ASCC3: variants seen among roughly 807,000 people sequenced by gnomAD.
The protein encoded by ASCC3 is activating signal cointegrator 1 complex subunit 3.
ASCC3 carries 158 observed loss-of-function variants against 256.3 expected under a neutral mutation model. The observed-to-expected ratio is 0.62, with a 90% CI of 0.54 to 0.70. The LOEUF (loss-of-function observed/expected upper bound fraction) is 0.70. Ranked by LOEUF, ASCC3 falls within the 30% of genes least tolerant of loss-of-function variation. The probability of loss-of-function intolerance (pLI) is 0.00; values close to 1 mark genes in which losing one functional copy is unlikely to be tolerated. For synonymous variants in ASCC3, 948 were observed against 883.4 expected, an observed-to-expected ratio of 1.07 and a Z score of -1.30; for missense variants, 2,259 against 2,626.0, an observed-to-expected ratio of 0.86 and a Z score of 3.05.
chr6:100,516,331 G>C lies in ASCC3; in HGVS notation c.5928-4C>G, dbSNP rs1582371842. On this transcript the variant is annotated splice_polypyrimidine_tract_variant and splice_region_variant and intron_variant, in intron 38 of 41. Transcript: ENST00000369162. ...CTTCATAATCGGCTTCCATTTCCTA[G>C]GAAATAATATCAAACCAACCAAATA... 6.2e-7 allele frequency: 1 copy of C among 1,613,444 alleles called. No individual in the cohort carries two copies. Among genetic ancestry groups the C allele is most frequent in the Non-Finnish European group, 8.5e-7 (1 of 1,179,608 alleles).
chr6:100,804,882 C>T (rs1443554395), intron 5 of ASCC3, among the ~76,000 whole-genome samples: 1 of 152,026 alleles, frequency 6.6e-6, no homozygotes, highest in Non-Finnish European at 1.5e-5. Flanking sequence ...ACCATTTGAC[C>T]CAGCAATCCT....
intron 14 of ASCC3, among the ~76,000 whole-genome samples, chr6:100,665,941 T>TA (rs1034223176): frequency 7.9e-5 from 12 of 152,020 alleles, no homozygotes; most frequent in Non-Finnish European, 1.2e-4. Context: ...TTCTCCACCT[T>TA]AAAAAAACCC....
At chr6:100,654,709 G>A (rs12193789) in intron 17 of ASCC3, among the ~76,000 whole-genome samples, 4 of 152,006 alleles carry the variant, frequency 2.6e-5, no homozygotes, top group Admixed American at 1.3e-4. Flanking sequence ...AGGTAGGTGA[G>A]TCCCATCTAG....
At chr6:100,720,907 T>C (rs1779299099) in intron 11 of ASCC3, among the ~76,000 whole-genome samples, 1 of 148,020 alleles carries the variant, frequency 6.8e-6, no homozygotes, top group South Asian at 2.1e-4. Flanking sequence ...CTATAATATA[T>C]AGTTTGATAT....
At chr6:100,569,052 T>C (rs1054559951) in intron 36 of ASCC3, among the ~76,000 whole-genome samples, 20 of 152,088 alleles carry the variant, frequency 1.3e-4, no homozygotes, top group Non-Finnish European at 2.2e-4. Flanking sequence ...AAATTATTTC[T>C]TAAGGCTGAT....
At chr6:100,542,606 C>T (rs542762832) in intron 36 of ASCC3, among the ~76,000 whole-genome samples, 35 of 151,690 alleles carry the variant, frequency 2.3e-4, no homozygotes, top group Admixed American at 5.9e-4. Flanking sequence ...CGCTTGAACT[C>T]GGGAGGCAGA....
Position 100,517,885 on chromosome 6 carries a change from C to T in ASCC3, c.5927+106G>A, listed in dbSNP as rs530728412. ...TGGGAAACAGGAGTATTTTCCATGT[C>T]AATAATCAGTATTCTCCATAACATA... On this transcript the variant is annotated intron_variant, in intron 38 of 41. Transcript: ENST00000369162. The T allele has an allele frequency of 3.4e-5, 43 of 1,249,546 alleles. No homozygotes were observed. The East Asian group carries it at 1.0e-3, about 30-fold the overall frequency. The allele number at this position is 1,249,546 out of a possible 1,614,324, so 77.4% of individuals were successfully genotyped here.
At chr6:100,837,542 T>C (rs548001657) in intron 4 of ASCC3, among the ~76,000 whole-genome samples, 42 of 152,212 alleles carry the variant, frequency 2.8e-4, no homozygotes, top group Non-Finnish European at 1.5e-4. Flanking sequence ...TGGAATACTA[T>C]TCAGCTGTAA....
intron 3 of ASCC3, chr6:100,858,521 AGTAAT>A: frequency 1.1e-6 from 1 of 913,340 alleles, no homozygotes; most frequent in Non-Finnish European, 1.3e-6. Context: ...TTTTATCATA[AGTAAT>A]GTTAGATATT....
intron 4 of ASCC3, among the ~76,000 whole-genome samples, chr6:100,821,834 A>T (rs1214422344): frequency 6.6e-6 from 1 of 152,180 alleles, no homozygotes; most frequent in African/African-American, 2.4e-5. Context: ...ACCAAAAAAA[A>T]TAAAAAAATA....
At chr6:100,657,525 T>A (rs1036067606) in intron 16 of ASCC3, among the ~76,000 whole-genome samples, 3 of 151,498 alleles carry the variant, frequency 2.0e-5, no homozygotes, top group Non-Finnish European at 3.0e-5. Flanking sequence ...TGACCTATAT[T>A]CCCATCATGA....
chr6:100,525,581 T>C lies in ASCC3; in HGVS notation c.5776-7439A>G, dbSNP rs35345232. On this transcript the variant is annotated intron_variant, in intron 37 of 41. Transcript: ENST00000369162. ...TGTACCCTCAACATAGGTACAAGTA[T>C]TATATATCAAGAAAAAAATTTTAAA... Among the ~76,000 whole-genome samples the C allele has an allele frequency of 1.3e-3, 197 of 152,172 alleles. 3 individuals carry two copies. The highest frequency in any genetic ancestry group is 2.7e-3 in the Admixed American group (42 of 15,282).
chr6:100,698,072 T>C (rs781199513), intron 13 of ASCC3, among the ~76,000 whole-genome samples: 5 of 152,134 alleles, frequency 3.3e-5, no homozygotes, highest in African/African-American at 7.2e-5. Context: ...TATATGTACA[T>C]TTGTAGATGT....
chr6:100,767,250 A>G lies in ASCC3; in HGVS notation c.1491T>C (p.Ile497=). The change falls in exon 9 of 42, where the codon ATT becomes ATC. Residue 497 remains isoleucine (I), a synonymous_variant. Transcript: ENST00000369162. The part of the protein sequence containing the change: ...TAYNTNENML[I]CAPTGAGKTN... ...TTTTTCCAGCTCCTGTAGGGGCACA[A>G]ATCAGCATGTTCTCATTGGTGTTGT... The G allele has an allele frequency of 6.2e-7, 1 of 1,614,082 alleles. No individual in the cohort carries two copies. Among genetic ancestry groups the G allele is most frequent in the Non-Finnish European group, 8.5e-7 (1 of 1,180,004 alleles).
At chr6:100,608,118 C>CTATATATACATATATGTATATATAGG (rs1773046706) in intron 30 of ASCC3, among the ~76,000 whole-genome samples, 2 of 23,350 alleles carry the variant, frequency 8.6e-5, no homozygotes, top group African/African-American at 2.4e-4. Flanking sequence ...GTATATATAT[C>CTATATATACATATATGTATATATAGG]TATATATACA....
chr6:100,657,074 A>G (rs191086677), intron 16 of ASCC3, among the ~76,000 whole-genome samples: 1 of 151,378 alleles, frequency 6.6e-6, no homozygotes, highest in East Asian at 1.9e-4. Context: ...TGGATGGTTA[A>G]TTGTCTTTAG....
chr6:100,880,739 A>G (rs1769258830), intron 1 of ASCC3, among the ~76,000 whole-genome samples: 1 of 152,238 alleles, frequency 6.6e-6, no homozygotes, highest in Non-Finnish European at 1.5e-5. Context: ...TGTAACAGAA[A>G]AAAAGAAAAC....
chr6:100,652,877 A>G lies in ASCC3; in HGVS notation c.2836T>C (p.Leu946=), dbSNP rs1339006892. 1 of 1,613,858 alleles carries G rather than the reference A, an allele frequency of 6.2e-7. No individual in the cohort carries two copies. Among genetic ancestry groups the G allele is most frequent in the South Asian group, 1.1e-5 (1 of 91,082 alleles). The change falls in exon 18 of 42, where the codon TTA becomes CTA. Residue 946 remains leucine (L), a synonymous_variant. Coordinates refer to ENST00000369162, the MANE Select transcript of ASCC3 (RefSeq NM_006828.4). ...SHKAYQIDPT[L]RKHREQLVIE... ...ACCAACTGTTCTCGATGCTTTCTTA[A>G]TGTTGGGTCAATCTATGGCAAAAAA...
chr6:100,656,912 C>T (rs922890940), intron 16 of ASCC3, among the ~76,000 whole-genome samples: 40 of 150,608 alleles, frequency 2.7e-4, no homozygotes, highest in Middle Eastern at 4.6e-3. Flanking sequence ...GAGATGTTCC[C>T]TACCTAAATT....
Sources: allele counts gnomAD v4.1 joint callset (sites outside exome capture counted in the v4.1 genomes callset), GRCh38; gene constraint gnomAD v4.1.1; transcripts MANE v1.5; gene names NCBI Gene and HGNC (gene_info 2026-07-23, HGNC 2026-07-21).